REEP3: variants seen among roughly 807,000 people sequenced by gnomAD.
REEP3 encodes the protein receptor expression-enhancing protein 3.
REEP3 carries 20 observed loss-of-function variants against 41.3 expected under a neutral mutation model. That is an observed-to-expected ratio of 0.48 (90% CI 0.34 to 0.70). The LOEUF (loss-of-function observed/expected upper bound fraction) is 0.70. REEP3 is among the 30% of genes least tolerant of loss of function. The pLI is 0.01. For missense variants in REEP3, 271 were observed against 308.8 expected, an observed-to-expected ratio of 0.88 and a Z score of 0.92; for synonymous variants, 104 against 101.8, an observed-to-expected ratio of 1.02 and a Z score of -0.13.
At chr10:63,551,227 T>C (rs1955626045) in intron 1 of REEP3, among the ~76,000 whole-genome samples, 1 of 152,186 alleles carries the variant, frequency 6.6e-6, no homozygotes, top group African/African-American at 2.4e-5. Flanking sequence ...AGGTATGTCG[T>C]AGGGACACAG....
chr10:63,577,442 TAGAC>T (rs1408380454), intron 2 of REEP3, among the ~76,000 whole-genome samples: 2 of 152,084 alleles, frequency 1.3e-5, no homozygotes, highest in Admixed American at 1.3e-4. Flanking sequence ...TTTGTTTTGT[TAGAC>T]AGGGTCTTGC....
In REEP3 at chr10:63,624,141, G is replaced by A. The variant is rs766912902; in HGVS notation, c.*3272G>A. 1.3e-5 allele frequency: 2 copies of A among 151,992 alleles called. No individual in the cohort carries two copies. The highest frequency in any genetic ancestry group is 2.9e-5 in the Non-Finnish European group (2 of 67,954). The allele number at this position is 151,992 out of a possible 1,614,324, so 9.4% of individuals were successfully genotyped here. A position where few individuals can be genotyped will look rare whatever the true frequency, so the allele number is the denominator to read the frequency against. ...ATTTGATTATCAGGAAAATTAAGGA[G>A]TTATATATTTAAAAGCAATTTTCTG... is the stretch of plus-strand genomic sequence containing the variant. On this transcript the variant is annotated 3_prime_UTR_variant, in exon 8 of 8. Transcript: ENST00000373758.
At chr10:63,608,342 A>G (rs1358757001) in intron 5 of REEP3, among the ~76,000 whole-genome samples, 1 of 152,254 alleles carries the variant, frequency 6.6e-6, no homozygotes, top group Non-Finnish European at 1.5e-5. Context: ...AATATGGTAG[A>G]AATACGCAGC....
intron 1 of REEP3, among the ~76,000 whole-genome samples, chr10:63,527,127 T>C (rs1955372117): frequency 6.6e-6 from 1 of 152,162 alleles, no homozygotes; most frequent in Non-Finnish European, 1.5e-5. Context: ...TCTCTGATTC[T>C]CTTCATTTAT....
intron 6 of REEP3, among the ~76,000 whole-genome samples, chr10:63,619,449 T>C (rs961202907): frequency 7.9e-5 from 12 of 152,058 alleles, no homozygotes; most frequent in African/African-American, 2.9e-4. Flanking sequence ...TCAGGGAAAA[T>C]TTCCTGGAGG....
intron 5 of REEP3, among the ~76,000 whole-genome samples, chr10:63,601,881 A>C (rs1004854904): frequency 1.3e-5 from 2 of 152,152 alleles, no homozygotes; most frequent in African/African-American, 4.8e-5. Flanking sequence ...AGATCACGCC[A>C]TTGCACTCCA....
chr10:63,621,153 A>G lies in REEP3; in HGVS notation c.*284A>G, dbSNP rs1312092652. 7 of 248,308 alleles carry G rather than the reference A, an allele frequency of 2.8e-5. No homozygotes were observed. The highest frequency in any genetic ancestry group is 2.6e-4 in the East Asian group (3 of 11,378). 15.4% of individuals were successfully genotyped at this position (248,308 alleles called of 1,614,324 possible). On this transcript the variant is annotated 3_prime_UTR_variant, in exon 8 of 8. Coordinates refer to ENST00000373758, the MANE Select transcript of REEP3 (RefSeq NM_001001330.3). ...ATCAACAGCCTAGAGTGCCTGAGAT[A>G]TAAGATGAAACACAAATCCACAGTA...
At position 63,624,834 on chromosome 10, in the gene REEP3, G is replaced by T. The variant is rs1256524087; in HGVS notation, c.*3965G>T. ...AAATCCTCACCATCAATTTGGATGG[G>T]TTAGCTGTCTCAGGCATAAAATGTA... On this transcript the variant is annotated 3_prime_UTR_variant, in exon 8 of 8. Transcript: ENST00000373758. 5.3e-5 allele frequency: 8 copies of T among 152,100 alleles called. No homozygotes were observed. Among genetic ancestry groups the T allele is most frequent in the Non-Finnish European group, 1.2e-4 (8 of 67,970 alleles). The allele number at this position is 152,100 out of a possible 1,614,324, so 9.4% of individuals were successfully genotyped here.
At position 63,609,838 on chromosome 10, in the gene REEP3, A is replaced by G. The variant is rs762529895; in HGVS notation, c.418-349A>G. On this transcript the variant is annotated intron_variant, in intron 5 of 7. Coordinates refer to ENST00000373758, the MANE Select transcript of REEP3 (RefSeq NM_001001330.3). ...CCTAAATATTAAAGTTTAAGCCCCAAAGTGCTAGTTTTAGGAGACATCAAC... is the reference window on the plus strand; with the variant it reads ...CCTAAATATTAAAGTTTAAGCCCCAGAGTGCTAGTTTTAGGAGACATCAAC... Among the ~76,000 whole-genome samples, 11 of 152,292 alleles carry G rather than the reference A, an allele frequency of 7.2e-5. No individual in the cohort carries two copies. In the East Asian group the frequency reaches 2.1e-3, roughly 29 times the overall value.
intron 1 of REEP3, among the ~76,000 whole-genome samples, chr10:63,553,441 T>C (rs1316896059): frequency 1.3e-5 from 2 of 152,034 alleles, no homozygotes; most frequent in Non-Finnish European, 2.9e-5. Flanking sequence ...CAGTGATACC[T>C]GTTATTGTTT....
At chr10:63,545,482 C>G (rs1955568672) in intron 1 of REEP3, among the ~76,000 whole-genome samples, 1 of 151,992 alleles carries the variant, frequency 6.6e-6, no homozygotes, top group Admixed American at 6.6e-5. Context: ...TCAAGTGATT[C>G]TTCTGCCTCC....
chr10:63,584,440 A>AAAC (rs1955985121), intron 2 of REEP3, among the ~76,000 whole-genome samples: 1 of 151,330 alleles, frequency 6.6e-6, no homozygotes, highest in South Asian at 2.1e-4. Flanking sequence ...TAAAAAAAAA[A>AAAC]AAAAAAAAAA....
intron 2 of REEP3, among the ~76,000 whole-genome samples, chr10:63,570,147 G>A (rs985605589): frequency 1.3e-5 from 2 of 152,114 alleles, no homozygotes; most frequent in Non-Finnish European, 2.9e-5. Flanking sequence ...ATTGGGGATT[G>A]ATAAGGATGG....
intron 2 of REEP3, among the ~76,000 whole-genome samples, chr10:63,572,592 T>C (rs1955863180): frequency 6.6e-6 from 1 of 152,250 alleles, no homozygotes; most frequent in Non-Finnish European, 1.5e-5. Context: ...AGTTTTCCTA[T>C]ACAGTAATCC....
rs1422979117 is a variant in REEP3, at chr10:63,622,782, C to A, written c.*1913C>A. Reference sequence around the variant, plus strand: ...AGTGCAGTGGCGCGATCTCGGCTCACTACAACCTCTGCCTCCCGGGTTCGA... The same window carrying A: ...AGTGCAGTGGCGCGATCTCGGCTCAATACAACCTCTGCCTCCCGGGTTCGA... On this transcript the variant is annotated 3_prime_UTR_variant, in exon 8 of 8. Transcript: ENST00000373758. The A allele has an allele frequency of 1.4e-5, 2 of 146,468 alleles. No homozygotes were observed. The highest frequency in any genetic ancestry group is 5.1e-5 in the African/African-American group (2 of 39,472). 9.1% of individuals were successfully genotyped at this position (146,468 alleles called of 1,614,324 possible). A position where few individuals can be genotyped will look rare whatever the true frequency, so the allele number is the denominator to read the frequency against.
intron 5 of REEP3, among the ~76,000 whole-genome samples, chr10:63,608,935 A>G (rs1956253788): frequency 6.6e-6 from 1 of 152,242 alleles, no homozygotes; most frequent in South Asian, 2.1e-4. Flanking sequence ...TTCAACTTAA[A>G]TACCCACCTG....
In REEP3 at chr10:63,566,326, T is replaced by C. The variant is rs760486290; in HGVS notation, c.33-12T>C. On this transcript the variant is annotated splice_polypyrimidine_tract_variant and intron_variant, in intron 1 of 7. Coordinates refer to ENST00000373758, the MANE Select transcript of REEP3 (RefSeq NM_001001330.3). ...TGTGTTTGAACAGTATTCTCATTTT[T>C]TTTACTTTTAGGCTGGTGTTTGGAA... 1.3e-6 allele frequency: 2 copies of C among 1,511,960 alleles called. No individual in the cohort carries two copies. The highest frequency in any genetic ancestry group is 1.8e-6 in the Non-Finnish European group (2 of 1,112,238). 93.7% of individuals were successfully genotyped at this position (1,511,960 alleles called of 1,614,324 possible).
intron 1 of REEP3, among the ~76,000 whole-genome samples, chr10:63,530,347 A>C (rs1955408817): frequency 6.6e-6 from 1 of 152,244 alleles, no homozygotes; most frequent in South Asian, 2.1e-4. Flanking sequence ...TTTATTTACC[A>C]TTTTTTATGA....
chr10:63,599,789 T>A (rs1956156305), intron 5 of REEP3: 1 of 579,350 alleles, frequency 1.7e-6, no homozygotes, highest in Non-Finnish European at 2.2e-6. Flanking sequence ...TAATGTCATT[T>A]GTTGTGTTTG....
Sources: allele counts gnomAD v4.1 joint callset (sites outside exome capture counted in the v4.1 genomes callset), GRCh38; gene constraint gnomAD v4.1.1; transcripts MANE v1.5; gene names NCBI Gene and HGNC (gene_info 2026-07-23, HGNC 2026-07-21).